The following KCNJ3 variants were observed in gnomAD, a reference collection of about 807,000 sequenced individuals.
KCNJ3 encodes the protein G protein-activated inward rectifier potassium channel 1.
KCNJ3 carries 4 observed loss-of-function variants against 39.2 expected under a neutral mutation model. The ratio of observed to expected loss-of-function variants is 0.10; its 90% confidence interval spans 0.05 to 0.23. The LOEUF (loss-of-function observed/expected upper bound fraction) is 0.23, where lower values mean the gene tolerates loss of function less well. Ranked by LOEUF, KCNJ3 falls within the 10% of genes least tolerant of loss-of-function variation. The probability of loss-of-function intolerance (pLI) is 1.00; values close to 1 mark genes in which losing one functional copy is unlikely to be tolerated. For synonymous variants in KCNJ3, 230 were observed against 237.4 expected (o/e 0.97, Z 0.29); for missense variants, 276 against 634.9 (o/e 0.43, Z 6.08).
chr2:154,780,681 G>T (rs112856350), intron 2 of KCNJ3, among the ~76,000 whole-genome samples: 2,390 of 152,156 alleles, frequency 0.016, 47 homozygotes, highest in African/African-American at 0.045. Context: ...TTTATGCTTA[G>T]GATTTTCTTG....
intron 2 of KCNJ3, among the ~76,000 whole-genome samples, chr2:154,845,730 G>A (rs565661029): frequency 5.9e-5 from 9 of 152,232 alleles, no homozygotes; most frequent in Non-Finnish European, 7.4e-5. Flanking sequence ...CAGCACTTTG[G>A]GAGGCTGAGG....
chr2:154,843,033 C>G (rs1175213239), intron 2 of KCNJ3, among the ~76,000 whole-genome samples: 1 of 152,252 alleles, frequency 6.6e-6, no homozygotes, highest in South Asian at 2.1e-4. Flanking sequence ...TTCATAGCAT[C>G]GATAGTCTTT....
intron 2 of KCNJ3, among the ~76,000 whole-genome samples, chr2:154,734,979 G>C (rs1311735074): frequency 1.3e-5 from 2 of 152,130 alleles, no homozygotes; most frequent in Non-Finnish European, 2.9e-5. Flanking sequence ...AATTCAGACT[G>C]TTCAATAAAC....
At chr2:154,728,808 C>T (rs1685403267) in intron 2 of KCNJ3, among the ~76,000 whole-genome samples, 1 of 152,028 alleles carries the variant, frequency 6.6e-6, no homozygotes, top group African/African-American at 2.4e-5. Context: ...TTCCCCTGGC[C>T]TTGGTATCTT....
intron 2 of KCNJ3, among the ~76,000 whole-genome samples, chr2:154,770,892 CTTTTTT>C (rs35293315): frequency 4.3e-4 from 55 of 127,676 alleles, no homozygotes; most frequent in Middle Eastern, 8.3e-3. Context: ...TTTTCTTTTT[CTTTTTT>C]TTTTTTTTTT....
At chr2:154,823,229 A>C (rs1280369183) in intron 2 of KCNJ3, among the ~76,000 whole-genome samples, 1 of 152,196 alleles carries the variant, frequency 6.6e-6, no homozygotes, top group East Asian at 1.9e-4. Context: ...TGCACAATGA[A>C]TGGAATTATA....
At chr2:154,754,635 A>G (rs1209175446) in intron 2 of KCNJ3, among the ~76,000 whole-genome samples, 1 of 152,156 alleles carries the variant, frequency 6.6e-6, no homozygotes, top group Non-Finnish European at 1.5e-5. Context: ...TATCTTGGTG[A>G]ATTTGAGTTG....
intron 2 of KCNJ3, among the ~76,000 whole-genome samples, chr2:154,775,440 G>A (rs775312530): frequency 1.6e-4 from 25 of 152,102 alleles, no homozygotes; most frequent in Non-Finnish European, 3.2e-4. Context: ...TCTGATTCCT[G>A]TATCATAGTG....
intron 2 of KCNJ3, among the ~76,000 whole-genome samples, chr2:154,800,629 T>C (rs1686803194): frequency 6.6e-6 from 1 of 152,218 alleles, no homozygotes; most frequent in Non-Finnish European, 1.5e-5. Context: ...GCATTTTTTC[T>C]TATTTCTGCC....
At chr2:154,706,968 A>C (rs1685021333) in intron 1 of KCNJ3, among the ~76,000 whole-genome samples, 1 of 152,266 alleles carries the variant, frequency 6.6e-6, no homozygotes, top group Middle Eastern at 3.4e-3. Context: ...AAAGAAGGAA[A>C]AAAAATCAGG....
intron 2 of KCNJ3, among the ~76,000 whole-genome samples, chr2:154,837,642 G>T (rs1160305512): frequency 2.6e-5 from 4 of 152,122 alleles, no homozygotes; most frequent in Non-Finnish European, 5.9e-5. Flanking sequence ...CCTGTGGAAT[G>T]CATTAATCAT....
At chr2:154,811,804 T>C (rs1687011976) in intron 2 of KCNJ3, among the ~76,000 whole-genome samples, 1 of 152,190 alleles carries the variant, frequency 6.6e-6, no homozygotes, top group South Asian at 2.1e-4. Flanking sequence ...AAATTGTAGG[T>C]TTGTAGCAGA....
At chr2:154,819,350 T>C (rs184232195) in intron 2 of KCNJ3, among the ~76,000 whole-genome samples, 1 of 152,266 alleles carries the variant, frequency 6.6e-6, no homozygotes, top group African/African-American at 2.4e-5. Context: ...AACTGTCATA[T>C]ACCCATCCTC....
intron 2 of KCNJ3, among the ~76,000 whole-genome samples, chr2:154,767,366 C>T (rs1264697223): frequency 6.6e-6 from 1 of 151,732 alleles, no homozygotes; most frequent in Non-Finnish European, 1.5e-5. Context: ...CCCTGGTGTG[C>T]GATGTTCCCC....
chr2:154,714,102 C>T (rs534427239), intron 2 of KCNJ3, among the ~76,000 whole-genome samples: 7 of 152,138 alleles, frequency 4.6e-5, no homozygotes, highest in East Asian at 1.9e-4. Flanking sequence ...TATTCTTTTC[C>T]GAAACTGTGT....
chr2:154,802,793 G>A (rs1574468176), intron 2 of KCNJ3, among the ~76,000 whole-genome samples: 1 of 152,004 alleles, frequency 6.6e-6, no homozygotes, highest in Admixed American at 6.6e-5. Flanking sequence ...CATTTTATAA[G>A]GTAACTAACT....
intron 2 of KCNJ3, among the ~76,000 whole-genome samples, chr2:154,802,813 A>G (rs764429111): frequency 6.6e-6 from 1 of 152,160 alleles, no homozygotes; most frequent in Non-Finnish European, 1.5e-5. Flanking sequence ...TGAAGGTGAT[A>G]CGGATAATTT....
intron 2 of KCNJ3, among the ~76,000 whole-genome samples, chr2:154,785,156 T>C (rs1686505111): frequency 6.6e-6 from 1 of 152,220 alleles, no homozygotes; most frequent in Admixed American, 6.5e-5. Flanking sequence ...ATAAAATGTG[T>C]AATTTCATGT....
chr2:154,800,620 C>T lies in KCNJ3; in HGVS notation c.920-54107C>T, dbSNP rs6724643. ...GAGCCTTAGTATTTAGAATGTTTTGCATTTTTTCTTATTTCTGCCAACCTC... is the reference window on the plus strand; with the variant it reads ...GAGCCTTAGTATTTAGAATGTTTTGTATTTTTTCTTATTTCTGCCAACCTC... On this transcript the variant is annotated intron_variant, in intron 2 of 2. Transcript: ENST00000295101. Among the ~76,000 whole-genome samples, 1,138 of 152,200 alleles carry T rather than the reference C, an allele frequency of 7.5e-3. 19 individuals are homozygous for T. Among genetic ancestry groups the T allele is most frequent in the African/African-American group, 0.026 (1,078 of 41,546 alleles).
Sources: allele counts gnomAD v4.1 joint callset (sites outside exome capture counted in the v4.1 genomes callset), GRCh38; gene constraint gnomAD v4.1.1; transcripts MANE v1.5; gene names NCBI Gene and HGNC (gene_info 2026-07-23, HGNC 2026-07-21).